Variants in CPLANE1 observed in about 807,000 individuals in gnomAD.
The protein encoded by CPLANE1 is ciliogenesis and planar polarity effector 1.
CPLANE1 carries 263 observed loss-of-function variants against 362.5 expected under a neutral mutation model. That is an observed-to-expected ratio of 0.73 (90% confidence interval 0.66 to 0.80). CPLANE1 has a LOEUF of 0.80. Ranked by LOEUF, CPLANE1 falls within the 30% of genes least tolerant of loss-of-function variation. The probability of loss-of-function intolerance (pLI) is 0.00; values close to 1 mark genes in which losing one functional copy is unlikely to be tolerated. For synonymous variants in CPLANE1, 1,212 were observed against 1,302.6 expected (o/e 0.93, Z 1.50); for missense variants, 3,461 against 3,793.4 (o/e 0.91, Z 2.30).
Position 37,209,586 on chromosome 5 carries a change from A to G in CPLANE1, c.2921-3161T>C. 1 of 1,398,908 alleles carries G rather than the reference A, an allele frequency of 7.1e-7. No individual in the cohort carries two copies. The highest frequency in any genetic ancestry group is 1.0e-6 in the Non-Finnish European group (1 of 985,316). 86.7% of individuals were successfully genotyped at this position (1,398,908 alleles called of 1,614,324 possible). A position where few individuals can be genotyped will look rare whatever the true frequency, so the allele number is the denominator to read the frequency against. On this transcript the variant is annotated intron_variant, in intron 16 of 52. Coordinates refer to ENST00000651892, the MANE Select transcript of CPLANE1 (RefSeq NM_001384732.1). This position sits in a 1 kb window ranked among gnomAD's most constrained non-coding sequence, Gnocchi z 4.6. ...GAGCTCCCTCTTAATAAGTGCCTCT[A>G]ACTCTTTAGTGGCAGATCACTTACA... is the stretch of plus-strand genomic sequence containing the variant.
chr5:37,125,506 C>T (rs1307677608), intron 46 of CPLANE1, 97 bp from the exon 47 acceptor site: 5 of 1,232,686 alleles, frequency 4.1e-6, no homozygotes, highest in Admixed American at 2.3e-5. Flanking sequence ...AAATATTTTG[C>T]CCCATCTTCA....
chr5:37,175,061 G>C (rs565225788), intron 31 of CPLANE1, among the ~76,000 whole-genome samples: 26 of 152,290 alleles, frequency 1.7e-4, no homozygotes, highest in Non-Finnish European at 1.0e-4. Context: ...CTGGGTTCCT[G>C]AAGTGTGATG....
At chr5:37,083,785 G>A in the CPLANE1 span, among the ~76,000 whole-genome samples, 2 of 152,114 alleles carry the variant, frequency 1.3e-5, no homozygotes, top group Non-Finnish European at 2.9e-5. Context: ...AATGTTAAAC[G>A]AAACCATTCA....
Position 37,226,798 on chromosome 5 carries a change from T to G in CPLANE1, c.1797A>C (p.Val599=), listed in dbSNP as rs763937259. 1 of 1,549,110 alleles carries G rather than the reference T, an allele frequency of 6.5e-7. No individual in the cohort carries two copies. The highest frequency in any genetic ancestry group is 1.2e-5 in the South Asian group (1 of 83,490). ...TEKNLMLNYI[V]VCITHFFYIL... ...TGTAAAAAAAATGAGTGATACAAAC[T>G]ACTATGTAATTTAACATTAAATTTT... Residue 599 remains valine, a synonymous_variant, in exon 12 of 53, where the codon GTA becomes GTC. Coordinates refer to ENST00000651892, the MANE Select transcript of CPLANE1 (RefSeq NM_001384732.1).
Position 37,106,841 on chromosome 5 carries a change from T to A in CPLANE1, c.*761A>T. The A allele has an allele frequency of 6.1e-6, 6 of 983,138 alleles. No individual in the cohort carries two copies. The highest frequency in any genetic ancestry group is 6.0e-6 in the Non-Finnish European group (5 of 827,824). The allele number at this position is 983,138 out of a possible 1,614,324, so 60.9% of individuals were successfully genotyped here. A position where few individuals can be genotyped will look rare whatever the true frequency, so the allele number is the denominator to read the frequency against. On this transcript the variant is annotated 3_prime_UTR_variant, in exon 53 of 53. Coordinates refer to ENST00000651892, the MANE Select transcript of CPLANE1 (RefSeq NM_001384732.1). ...GAAGTAGTTGAAGGATACTGGTTCT[T>A]AGTCAATTCTCATAAAAATTATCTC... is the stretch of plus-strand genomic sequence containing the variant.
At chr5:37,211,648 C>A in intron 16 of CPLANE1, 1 of 808,274 alleles carries the variant, frequency 1.2e-6, no homozygotes, top group Non-Finnish European at 2.2e-6. Flanking sequence ...TCACACATTG[C>A]TTCCCCCAGT....
In CPLANE1 at chr5:37,238,880, G is replaced by A. The variant is rs1233332144; in HGVS notation, c.915C>T (p.Pro305=). The change falls in exon 8 of 53, where the codon CCC becomes CCT. Residue 305 remains proline, a synonymous_variant. Transcript: ENST00000651892. The part of the protein sequence containing the change: ...GSLKGCSNKS[P]VVPATLIRSY... ...ACCTAATAAGTGTAGCTGGAACCACGGGACTCTTGTTACTACATCCTTTAA... is the reference window on the plus strand; with the variant it reads ...ACCTAATAAGTGTAGCTGGAACCACAGGACTCTTGTTACTACATCCTTTAA... 7.2e-6 allele frequency: 11 copies of A among 1,517,860 alleles called. No homozygotes were observed. Among genetic ancestry groups the A allele is most frequent in the East Asian group, 5.0e-5 (2 of 40,114 alleles). 94.0% of individuals were successfully genotyped at this position (1,517,860 alleles called of 1,614,324 possible). A position where few individuals can be genotyped will look rare whatever the true frequency, so the allele number is the denominator to read the frequency against.
the CPLANE1 span, among the ~76,000 whole-genome samples, chr5:37,082,037 G>A: frequency 6.6e-6 from 1 of 150,808 alleles, no homozygotes; most frequent in Non-Finnish European, 1.5e-5. Flanking sequence ...AGGTTGCAGT[G>A]AGCCAAGATC....
intron 36 of CPLANE1, 64 bp downstream of exon 36, chr5:37,165,475 C>T (rs1778003091): frequency 1.3e-6 from 2 of 1,534,922 alleles, no homozygotes; most frequent in East Asian, 2.3e-5. Flanking sequence ...AGATAAACCA[C>T]AAAGACATAC....
chr5:37,085,365 A>T, the CPLANE1 span: 2 of 1,351,224 alleles, frequency 1.5e-6, no homozygotes, highest in South Asian at 2.3e-5. Context: ...GATCTATGAC[A>T]CCAAGGGTCG....
intron 3 of CPLANE1, 33 bp from the exon 4 acceptor site, chr5:37,245,631 T>C: frequency 2.7e-6 from 4 of 1,498,750 alleles, no homozygotes; most frequent in Non-Finnish European, 3.6e-6. Context: ...ATACTTACAA[T>C]CTAGTATTTC....
intron 50 of CPLANE1, among the ~76,000 whole-genome samples, chr5:37,117,330 T>C (rs1761296156): frequency 1.3e-5 from 2 of 150,680 alleles, no homozygotes; most frequent in African/African-American, 4.9e-5. Context: ...AGTTTACAGG[T>C]AACAACAACA....
chr5:37,232,164 T>C (rs1389110637), intron 8 of CPLANE1, among the ~76,000 whole-genome samples: 1 of 152,128 alleles, frequency 6.6e-6, no homozygotes, highest in Non-Finnish European at 1.5e-5. Context: ...CCATCCCAAA[T>C]CAACACTTAT....
At chr5:37,196,380 C>T (rs1221703118) in intron 20 of CPLANE1, among the ~76,000 whole-genome samples, 1 of 152,120 alleles carries the variant, frequency 6.6e-6, no homozygotes, top group Non-Finnish European at 1.5e-5. Flanking sequence ...TGCCTACATA[C>T]ATAACTTTTA....
At chr5:37,152,143 T>C (rs569022357) in intron 42 of CPLANE1, among the ~76,000 whole-genome samples, 2 of 152,288 alleles carry the variant, frequency 1.3e-5, no homozygotes, top group East Asian at 3.9e-4. Flanking sequence ...TGCAGACTAT[T>C]TTGCATTTCC....
chr5:37,210,367 T>A, intron 16 of CPLANE1: 1 of 1,116,544 alleles, frequency 9.0e-7, no homozygotes, highest in Non-Finnish European at 1.4e-6. Context: ...GAGCAGAATA[T>A]AAAGAGTTTT....
intron 38 of CPLANE1, among the ~76,000 whole-genome samples, chr5:37,161,326 G>GTT (rs1776803688): frequency 2.6e-5 from 4 of 152,092 alleles, no homozygotes. Flanking sequence ...ATAAAAAGGT[G>GTT]TCCTAGCCCA....
intron 43 of CPLANE1, among the ~76,000 whole-genome samples, chr5:37,144,782 C>T (rs553802298): frequency 2.7e-5 from 4 of 146,972 alleles, no homozygotes; most frequent in East Asian, 2.0e-4. Flanking sequence ...ACCCAGGAGG[C>T]GGAGTTTGCA....
intron 46 of CPLANE1, among the ~76,000 whole-genome samples, chr5:37,131,515 A>ATTTTTTTTTAGTAAAAAAAAATT (rs563649617): frequency 1.5e-3 from 226 of 151,308 alleles, no homozygotes; most frequent in African/African-American, 5.2e-3. Context: ...ACTGTATTTA[A>ATTTTTTTTTAGTAAAAAAAAATT]TTTTTTTTTA....
Sources: allele counts gnomAD v4.1 joint callset (sites outside exome capture counted in the v4.1 genomes callset), GRCh38; gene constraint gnomAD v4.1.1; non-coding constraint Gnocchi (gnomAD v3.1); transcripts MANE v1.5; gene names NCBI Gene and HGNC (gene_info 2026-07-23, HGNC 2026-07-21).